Variants in PERCC1 observed in about 807,000 individuals in gnomAD.
The protein encoded by PERCC1 is proline and glutamate rich with coiled coil 1, also known as protein PERCC1.
chr16:1,434,280 C>A lies in PERCC1; in HGVS notation c.*883C>A. 1 of 1,083,040 alleles carries A rather than the reference C, an allele frequency of 9.2e-7. No individual in the cohort carries two copies. Among genetic ancestry groups the A allele is most frequent in the Non-Finnish European group, 1.3e-6 (1 of 767,338 alleles). The allele number at this position is 1,083,040 out of a possible 1,614,324, so 67.1% of individuals were successfully genotyped here. On this transcript the variant is annotated 3_prime_UTR_variant, in exon 2 of 2. Coordinates refer to ENST00000640283, the MANE Select transcript of PERCC1 (RefSeq NM_001365310.2). ...AGTCATGGGGGTCAAGAGACTGGGT[C>A]CCTCCAAGCTTGGGCACCCCCGCTG... is the stretch of plus-strand genomic sequence containing the variant.
rs746055411 is a variant in PERCC1, at chr16:1,433,760, G to A, written c.*363G>A. 5.4e-4 allele frequency among the ~76,000 whole-genome samples: 83 copies of A among 152,310 alleles called. No individual in the cohort carries two copies. Among genetic ancestry groups the A allele is most frequent in the Non-Finnish European group, 8.4e-4 (57 of 68,018 alleles). On this transcript the variant is annotated 3_prime_UTR_variant, in exon 2 of 2. Coordinates refer to ENST00000640283, the MANE Select transcript of PERCC1 (RefSeq NM_001365310.2). Reference sequence around the variant, plus strand: ...GGGGCGGTGGAGGACAGAGCCCCCCGAGCCAGCCCTCCCACTGCCTGCCCA... The same window carrying A: ...GGGGCGGTGGAGGACAGAGCCCCCCAAGCCAGCCCTCCCACTGCCTGCCCA...
Position 1,434,279 on chromosome 16 carries a change from T to C in PERCC1, c.*882T>C. On this transcript the variant is annotated 3_prime_UTR_variant, in exon 2 of 2. Transcript: ENST00000640283. ...GAGTCATGGGGGTCAAGAGACTGGGTCCCTCCAAGCTTGGGCACCCCCGCT... is the reference window on the plus strand; with the variant it reads ...GAGTCATGGGGGTCAAGAGACTGGGCCCCTCCAAGCTTGGGCACCCCCGCT... 1 of 1,075,688 alleles carries C rather than the reference T, an allele frequency of 9.3e-7. No homozygotes were observed. The highest frequency in any genetic ancestry group is 1.3e-6 in the Non-Finnish European group (1 of 761,692). 66.6% of individuals were successfully genotyped at this position (1,075,688 alleles called of 1,614,324 possible). A position where few individuals can be genotyped will look rare whatever the true frequency, so the allele number is the denominator to read the frequency against.
chr16:1,431,560 C>G (rs955934768), intron 1 of PERCC1, among the ~76,000 whole-genome samples: 1 of 151,868 alleles, frequency 6.6e-6, no homozygotes, highest in African/African-American at 2.4e-5. Flanking sequence ...CCCCTCCCTC[C>G]CTGAAGCCCT....
At chr16:1,431,554 T>G in intron 1 of PERCC1, among the ~76,000 whole-genome samples, 1 of 93,626 alleles carries the variant, frequency 1.1e-5, no homozygotes, top group East Asian at 2.8e-4. Context: ...GCAACACCCC[T>G]CCCTCCCTGA....
At chr16:1,431,291 A>T (rs1162840154) in intron 1 of PERCC1, among the ~76,000 whole-genome samples, 183 bp downstream of exon 1, 2 of 152,054 alleles carry the variant, frequency 1.3e-5, no homozygotes, top group Non-Finnish European at 2.9e-5. Flanking sequence ...ATGGGAGGGC[A>T]CCTGCATCTG....
At position 1,431,529 on chromosome 16, in the gene PERCC1, C is replaced by T. The variant is rs909199247; in HGVS notation, c.-48+421C>T. Among the ~76,000 whole-genome samples the T allele has an allele frequency of 1.2e-3, 185 of 152,056 alleles. 1 individual carries two copies. Among genetic ancestry groups the T allele is most frequent in the African/African-American group, 4.2e-3 (176 of 41,482 alleles). ...CCACAGTCCTGCCCGCTCCCCACAG[C>T]CCTTCCTACTCCCCGCAACACCCCT... On this transcript the variant is annotated intron_variant, in intron 1 of 1. Transcript: ENST00000640283.
chr16:1,434,103 C>T lies in PERCC1; in HGVS notation c.*706C>T, dbSNP rs2038475092. ...CACAGCGGGTCCTGGCGGGGGCAGG[C>T]CTAGGTGCTTCTGCGCAGGCCCTAG... On this transcript the variant is annotated 3_prime_UTR_variant, in exon 2 of 2. Coordinates refer to ENST00000640283, the MANE Select transcript of PERCC1 (RefSeq NM_001365310.2). Among the ~76,000 whole-genome samples, 1 of 152,194 alleles carries T rather than the reference C, an allele frequency of 6.6e-6. No individual in the cohort carries two copies. The highest frequency in any genetic ancestry group is 2.1e-4 in the South Asian group (1 of 4,838).
chr16:1,433,585 C>A lies in PERCC1; in HGVS notation c.*188C>A, dbSNP rs965642878. Among the ~76,000 whole-genome samples, 1 of 152,220 alleles carries A rather than the reference C, an allele frequency of 6.6e-6. No individual in the cohort carries two copies. The highest frequency in any genetic ancestry group is 6.5e-5 in the Admixed American group (1 of 15,292). On this transcript the variant is annotated 3_prime_UTR_variant, in exon 2 of 2. Transcript: ENST00000640283. ...GTGCCCAGACCTGGCCATGCCCTGGCCTTCAGCCCCAGCAGAGCCCCTGGA... is the reference window on the plus strand; with the variant it reads ...GTGCCCAGACCTGGCCATGCCCTGGACTTCAGCCCCAGCAGAGCCCCTGGA...
rs1234018050 is a variant in PERCC1 at position 1,433,532 on chromosome 16, C to T, written c.*135C>T. On this transcript the variant is annotated 3_prime_UTR_variant, in exon 2 of 2. Transcript: ENST00000640283. ...AGGGCAAACCCAGAGGTCACCAGGGCTGGGCTGCAGTGGGAGCAGCAAGGG... is the reference window on the plus strand; with the variant it reads ...AGGGCAAACCCAGAGGTCACCAGGGTTGGGCTGCAGTGGGAGCAGCAAGGG... The T allele has an allele frequency of 5.0e-6, 2 of 397,834 alleles. No individual in the cohort carries two copies. Among genetic ancestry groups the T allele is most frequent in the Non-Finnish European group, 8.8e-6 (2 of 226,152 alleles). 24.6% of individuals were successfully genotyped at this position (397,834 alleles called of 1,614,324 possible).
chr16:1,434,040 T>A lies in PERCC1; in HGVS notation c.*643T>A, dbSNP rs2038474174. On this transcript the variant is annotated 3_prime_UTR_variant, in exon 2 of 2. Coordinates refer to ENST00000640283, the MANE Select transcript of PERCC1 (RefSeq NM_001365310.2). ...GCCAGGGAGCCCGAGTCCAGGGGGC[T>A]TCCCCGGGTCCTCCTCACAACCCGG... Among the ~76,000 whole-genome samples, 1 of 123,158 alleles carries A rather than the reference T, an allele frequency of 8.1e-6. No homozygotes were observed. Among genetic ancestry groups the A allele is most frequent in the African/African-American group, 3.4e-5 (1 of 29,002 alleles). The allele number at this position is 123,158 out of a possible 152,430, so 80.8% of individuals were successfully genotyped here.
In PERCC1 at chr16:1,432,701, A is replaced by AGAGGAGGAGGAGGAG. The variant is rs72210635; in HGVS notation, c.128_142dup (p.Glu43_Glu47dup). 6.3e-4 allele frequency: 247 copies of AGAGGAGGAGGAGGAG among 394,942 alleles called. No individual in the cohort carries two copies. The highest frequency in any genetic ancestry group is 5.7e-3 in the Middle Eastern group (9 of 1,586). The allele number at this position is 394,942 out of a possible 1,614,324, so 24.5% of individuals were successfully genotyped here. On this transcript the variant is annotated inframe_insertion, in exon 2 of 2. Coordinates refer to ENST00000640283, the MANE Select transcript of PERCC1 (RefSeq NM_001365310.2). ...AGCCCCCAGAGACTTCGGAGGAGGA[A>AGAGGAGGAGGAGGAG]GAGGAGGAGGAGGAGGAGGAGGAGG... is the stretch of plus-strand genomic sequence containing the variant.
At chr16:1,431,749 C>G (rs2038450288) in intron 1 of PERCC1, among the ~76,000 whole-genome samples, 1 of 152,122 alleles carries the variant, frequency 6.6e-6, no homozygotes, top group Non-Finnish European at 1.5e-5. Context: ...GCTGCACCCA[C>G]CCCACAGTCC....
In PERCC1 at chr16:1,434,349, G is replaced by C. The variant is rs2142349020; in HGVS notation, c.*952G>C. On this transcript the variant is annotated 3_prime_UTR_variant, in exon 2 of 2. Transcript: ENST00000640283. Reference sequence around the variant, plus strand: ...CGCTCAGCCCCACAGGCCCTGGGTAGGCTGTCTCCCAGCACACATCAGGGA... The same window carrying C: ...CGCTCAGCCCCACAGGCCCTGGGTACGCTGTCTCCCAGCACACATCAGGGA... 1 of 1,525,186 alleles carries C rather than the reference G, an allele frequency of 6.6e-7. No homozygotes were observed. Among genetic ancestry groups the C allele is most frequent in the Non-Finnish European group, 8.8e-7 (1 of 1,130,944 alleles). The allele number at this position is 1,525,186 out of a possible 1,614,324, so 94.5% of individuals were successfully genotyped here.
intron 1 of PERCC1, among the ~76,000 whole-genome samples, chr16:1,431,526 C>T (rs1049176080): frequency 5.9e-5 from 9 of 151,956 alleles, no homozygotes; most frequent in African/African-American, 2.2e-4. Flanking sequence ...CCGCTCCCCA[C>T]AGCCCTTCCT....
At chr16:1,431,881 A>T (rs1312954280) in intron 1 of PERCC1, among the ~76,000 whole-genome samples, 2 of 152,008 alleles carry the variant, frequency 1.3e-5, no homozygotes, top group Non-Finnish European at 2.9e-5. Context: ...CGCCTTCACC[A>T]TCGTGGAGAC....
rs1404372477 is a variant in PERCC1 at position 1,433,620 on chromosome 16, G to A, written c.*223G>A. ...CAGCAGAGCCCCTGGAGGGGCACAGGGGCCCCCAGAGCCCTGCCCACAGAA... is the reference window on the plus strand; with the variant it reads ...CAGCAGAGCCCCTGGAGGGGCACAGAGGCCCCCAGAGCCCTGCCCACAGAA... On this transcript the variant is annotated 3_prime_UTR_variant, in exon 2 of 2. Transcript: ENST00000640283. Among the ~76,000 whole-genome samples the A allele has an allele frequency of 9.8e-5, 15 of 152,302 alleles. No homozygotes were observed. Among genetic ancestry groups the A allele is most frequent in the South Asian group, 4.1e-4 (2 of 4,830 alleles).
In PERCC1 at chr16:1,432,701, AGAGGAGGAGGAGGAG is replaced by A. The variant is rs72210635; in HGVS notation, c.128_142del (p.Glu43_Glu47del). The A allele has an allele frequency of 2.3e-3, 909 of 394,692 alleles. 9 individuals are homozygous for A. The East Asian group carries it at 0.027, about 12-fold the overall frequency. The allele number at this position is 394,692 out of a possible 1,614,324, so 24.4% of individuals were successfully genotyped here. ...AGCCCCCAGAGACTTCGGAGGAGGA[AGAGGAGGAGGAGGAG>A]GAGGAGGAGGAGGAGGAGGGCGAGG... On this transcript the variant is annotated inframe_deletion, in exon 2 of 2. Transcript: ENST00000640283.
At position 1,433,956 on chromosome 16, in the gene PERCC1, C is replaced by T. The variant is rs1413434390; in HGVS notation, c.*559C>T. On this transcript the variant is annotated 3_prime_UTR_variant, in exon 2 of 2. Transcript: ENST00000640283. ...GAGCAAACAAGGGCCGTCTCCTCCC[C>T]AGATGCCGGAAGGCTCTTCCACTGC... Among the ~76,000 whole-genome samples the T allele has an allele frequency of 6.6e-6, 1 of 152,206 alleles. No homozygotes were observed. Among genetic ancestry groups the T allele is most frequent in the Non-Finnish European group, 1.5e-5 (1 of 68,018 alleles).
rs1455451967 is a variant in PERCC1 at position 1,433,409 on chromosome 16, G to T, written c.*12G>T. The T allele has an allele frequency of 5.0e-6, 2 of 398,562 alleles. No homozygotes were observed. The highest frequency in any genetic ancestry group is 1.3e-4 in the South Asian group (1 of 7,870). The allele number at this position is 398,562 out of a possible 1,614,324, so 24.7% of individuals were successfully genotyped here. On this transcript the variant is annotated 3_prime_UTR_variant, in exon 2 of 2. Transcript: ENST00000640283. ...CAGCCGAGGCCTAGCGAAGCGCCGGGGTCAGAGCTAGCTGGCGGCAGCAGG... is the reference window on the plus strand; with the variant it reads ...CAGCCGAGGCCTAGCGAAGCGCCGGTGTCAGAGCTAGCTGGCGGCAGCAGG...
Sources: allele counts gnomAD v4.1 joint callset (sites outside exome capture counted in the v4.1 genomes callset), GRCh38; gene constraint gnomAD v4.1.1; transcripts MANE v1.5; gene names NCBI Gene and HGNC (gene_info 2026-07-23, HGNC 2026-07-21).